The following DGKI variants were observed in gnomAD, a reference collection of about 807,000 sequenced individuals.
DGKI encodes the protein DAG kinase iota.
In DGKI, 55 loss-of-function variants were observed where a neutral mutation model predicts 147.5. The observed-to-expected ratio is 0.37, with a 90% CI of 0.30 to 0.47. The LOEUF is 0.47. Among genes scored for constraint, DGKI ranks in the 20% least tolerant of loss-of-function variants. The pLI is 1.00. For synonymous variants in DGKI, 469 were observed against 477.1 expected (o/e 0.98, Z 0.22); for missense variants, 1,007 against 1,323.8 (o/e 0.76, Z 3.71).
intron 10 of DGKI, among the ~76,000 whole-genome samples, chr7:137,600,756 C>T (rs1289700909): frequency 6.6e-6 from 1 of 152,022 alleles, no homozygotes; most frequent in Admixed American, 6.5e-5. Context: ...TCCCAGGCTC[C>T]CAGTTATTTT....
At chr7:137,531,985 A>G (rs1817354378) in intron 20 of DGKI, among the ~76,000 whole-genome samples, 1 of 152,206 alleles carries the variant, frequency 6.6e-6, no homozygotes, top group Admixed American at 6.6e-5. Context: ...ACCAAAATAG[A>G]CTACACATAA....
intron 29 of DGKI, among the ~76,000 whole-genome samples, chr7:137,409,598 A>C (rs1341372520): frequency 6.6e-6 from 1 of 152,162 alleles, no homozygotes; most frequent in Non-Finnish European, 1.5e-5. Flanking sequence ...GTAGCTAGCA[A>C]TTTTCCACAA....
At chr7:137,804,320 T>C (rs1797299911) in intron 1 of DGKI, among the ~76,000 whole-genome samples, 1 of 152,182 alleles carries the variant, frequency 6.6e-6, no homozygotes, top group Non-Finnish European at 1.5e-5. Flanking sequence ...TGAAAAGAGA[T>C]CCTACAAGAA....
chr7:137,546,207 G>C (rs908583301), intron 20 of DGKI, among the ~76,000 whole-genome samples: 3 of 152,190 alleles, frequency 2.0e-5, no homozygotes, highest in African/African-American at 7.2e-5. Flanking sequence ...GCAAGTCACA[G>C]ACCGGAGCGG....
intron 28 of DGKI, among the ~76,000 whole-genome samples, chr7:137,426,616 A>G: frequency 6.7e-6 from 1 of 148,870 alleles, no homozygotes; most frequent in South Asian, 2.2e-4. Context: ...AACTGGATAA[A>G]GACTCAAGAC....
At chr7:137,821,858 CA>C (rs924405488) in intron 1 of DGKI, among the ~76,000 whole-genome samples, 1 of 152,140 alleles carries the variant, frequency 6.6e-6, no homozygotes, top group Non-Finnish European at 1.5e-5. Flanking sequence ...CTAGAGGCAT[CA>C]GGTAGTGCTG....
chr7:137,843,919 T>TC (rs1454392632), intron 1 of DGKI, among the ~76,000 whole-genome samples: 2 of 151,962 alleles, frequency 1.3e-5, no homozygotes, highest in Non-Finnish European at 2.9e-5. Context: ...ATGATCCCCC[T>TC]CACGCAAGCA....
intron 28 of DGKI, among the ~76,000 whole-genome samples, chr7:137,436,210 A>C (rs922860226): frequency 5.3e-5 from 8 of 152,212 alleles, no homozygotes; most frequent in African/African-American, 1.7e-4. Flanking sequence ...TGTTATTGAC[A>C]GGAGATTGGA....
intron 27 of DGKI, among the ~76,000 whole-genome samples, chr7:137,445,728 C>T (rs1813689372): frequency 6.6e-6 from 1 of 152,114 alleles, no homozygotes; most frequent in Non-Finnish European, 1.5e-5. Flanking sequence ...GACAAGCTTG[C>T]CTGCTCCTAG....
chr7:137,722,891 A>AAAG, intron 1 of DGKI: 1 of 678,318 alleles, frequency 1.5e-6, no homozygotes, highest in South Asian at 2.1e-5. Context: ...GACTACGTTA[A>AAAG]AAAAAAAAAA....
intron 3 of DGKI, among the ~76,000 whole-genome samples, chr7:137,675,784 T>C (rs1823016159): frequency 6.6e-6 from 1 of 152,080 alleles, no homozygotes; most frequent in Admixed American, 6.6e-5. Context: ...GTGTGCATTG[T>C]TAGGTTTCCC....
At chr7:137,581,059 A>AAG (rs143276860) in intron 15 of DGKI, among the ~76,000 whole-genome samples, 4 of 151,182 alleles carry the variant, frequency 2.6e-5, no homozygotes, top group African/African-American at 7.3e-5. Flanking sequence ...ATGAGACAGA[A>AAG]AGAGAGAGAG....
intron 6 of DGKI, among the ~76,000 whole-genome samples, chr7:137,627,670 A>G (rs949795370): frequency 6.6e-6 from 1 of 152,258 alleles, no homozygotes; most frequent in Non-Finnish European, 1.5e-5. Context: ...GTGGCAAGAC[A>G]GCAGTAGTAG....
intron 1 of DGKI, among the ~76,000 whole-genome samples, chr7:137,752,093 TG>T (rs1795506708): frequency 6.6e-6 from 1 of 152,184 alleles, no homozygotes; most frequent in African/African-American, 2.4e-5. Context: ...ACTAAAAATT[TG>T]CCTATTTCCA....
chr7:137,682,858 G>A (rs1208872094), intron 2 of DGKI, among the ~76,000 whole-genome samples: 1 of 152,140 alleles, frequency 6.6e-6, no homozygotes, highest in Admixed American at 6.5e-5. Flanking sequence ...ATGTCAGAGT[G>A]ATCCTCAGCA....
chr7:137,488,127 C>T (rs1421431323), intron 21 of DGKI, among the ~76,000 whole-genome samples: 1 of 152,132 alleles, frequency 6.6e-6, no homozygotes, highest in Non-Finnish European at 1.5e-5. Context: ...GGATTCTGGA[C>T]ACTTACTCCT....
chr7:137,435,022 A>C (rs1585112855), intron 28 of DGKI, among the ~76,000 whole-genome samples: 1 of 152,316 alleles, frequency 6.6e-6, no homozygotes, highest in East Asian at 1.9e-4. Flanking sequence ...TCTCTGGAAA[A>C]AGACCAGGAG....
chr7:137,401,150 G>A (rs1811742808), intron 30 of DGKI, among the ~76,000 whole-genome samples: 1 of 152,096 alleles, frequency 6.6e-6, no homozygotes, highest in Admixed American at 6.5e-5. Flanking sequence ...TTTTAGTGTA[G>A]AAACAATAAC....
chr7:137,536,969 G>A (rs1024231770), intron 20 of DGKI, among the ~76,000 whole-genome samples: 1 of 152,140 alleles, frequency 6.6e-6, no homozygotes, highest in Non-Finnish European at 1.5e-5. Context: ...GAAACTGAGA[G>A]ATAAAGTGTG....
Sources: gnomAD v4.1 joint callset for allele counts (sites outside exome capture counted in the v4.1 genomes callset) on GRCh38, gnomAD v4.1.1 for gene constraint, MANE v1.5 for transcripts, NCBI Gene and HGNC (gene_info 2026-07-23, HGNC 2026-07-21) for gene names.